Variants in HSPA4 observed in about 807,000 individuals in gnomAD.
HSPA4 encodes heat shock 70 kDa protein 4.
In HSPA4, 25 loss-of-function variants were observed where a neutral mutation model predicts 106.2. The ratio of observed to expected loss-of-function variants is 0.24; its 90% CI spans 0.17 to 0.33. The LOEUF (loss-of-function observed/expected upper bound fraction) is 0.33. HSPA4 is among the 10% of genes least tolerant of loss of function. The pLI, the probability that HSPA4 is intolerant of heterozygous loss-of-function variation, is 1.00. For synonymous variants in HSPA4, 332 were observed against 333.6 expected, an observed-to-expected ratio of 1.00 and a Z score of 0.05; for missense variants, 841 against 996.0, an observed-to-expected ratio of 0.84 and a Z score of 2.10.
At chr5:133,062,892 CTTAAGT>C (rs1359857770) in intron 1 of HSPA4, among the ~76,000 whole-genome samples, 1 of 152,082 alleles carries the variant, frequency 6.6e-6, no homozygotes, top group African/African-American at 2.4e-5. Context: ...CCACAGGGCT[CTTAAGT>C]TTATGTTTCT....
chr5:133,088,044 C>T (rs1244757036), intron 8 of HSPA4, among the ~76,000 whole-genome samples: 1 of 151,784 alleles, frequency 6.6e-6, no homozygotes, highest in African/African-American at 2.4e-5. Flanking sequence ...GGTTTGAGGC[C>T]CTCTTATTTT....
At chr5:133,062,306 A>T (rs544956594) in intron 1 of HSPA4, among the ~76,000 whole-genome samples, 25 of 152,268 alleles carry the variant, frequency 1.6e-4, no homozygotes, top group African/African-American at 5.8e-4. Flanking sequence ...TTTTGAGGAG[A>T]TAAAGGTTTG....
rs1205635824 is a variant in HSPA4 at position 133,099,536 on chromosome 5, T to C, written c.1930-9T>C. ...ATTGACCTAATTATAATATTTTCTT[T>C]ATCATTAGGATCGTAACAGTTTTAC... On this transcript the variant is annotated splice_polypyrimidine_tract_variant and intron_variant, in intron 15 of 18. Coordinates refer to ENST00000304858, the MANE Select transcript of HSPA4 (RefSeq NM_002154.4). 2 of 1,433,508 alleles carry C rather than the reference T, an allele frequency of 1.4e-6. No homozygotes were observed. Among genetic ancestry groups the C allele is most frequent in the Non-Finnish European group, 2.0e-6 (2 of 1,018,920 alleles). The allele number at this position is 1,433,508 out of a possible 1,614,324, so 88.8% of individuals were successfully genotyped here.
At chr5:133,102,777 C>T (rs1156646044) in intron 17 of HSPA4, among the ~76,000 whole-genome samples, 3 of 152,124 alleles carry the variant, frequency 2.0e-5, no homozygotes, top group South Asian at 2.1e-4. Flanking sequence ...CACTTTGTCA[C>T]CCAGGCTGGG....
At chr5:133,086,547 T>C (rs1293954184) in intron 7 of HSPA4, among the ~76,000 whole-genome samples, 1 of 152,248 alleles carries the variant, frequency 6.6e-6, no homozygotes, top group African/African-American at 2.4e-5. Context: ...ATACCTAGAA[T>C]GGAATTGCTG....
chr5:133,060,105 A>C (rs1765220697), intron 1 of HSPA4, among the ~76,000 whole-genome samples: 1 of 148,574 alleles, frequency 6.7e-6, no homozygotes, highest in Non-Finnish European at 1.5e-5. Flanking sequence ...TATTAGGATT[A>C]CATAGGAGTA....
At chr5:133,057,260 A>C (rs1446293728) in intron 1 of HSPA4, among the ~76,000 whole-genome samples, 2 of 152,180 alleles carry the variant, frequency 1.3e-5, no homozygotes, top group South Asian at 4.1e-4. Context: ...GTGATAGTCT[A>C]ATTATTGCGG....
At position 133,089,069 on chromosome 5, in the gene HSPA4, G is replaced by T. The variant is rs764891442; in HGVS notation, c.1152G>T (p.Ser384=). 1.9e-6 allele frequency: 3 copies of T among 1,591,824 alleles called. No homozygotes were observed. The highest frequency in any genetic ancestry group is 2.3e-5 in the South Asian group (2 of 87,628). Residue 384 remains serine, a synonymous_variant, in exon 10 of 19, where the codon TCG becomes TCT. Coordinates refer to ENST00000304858, the MANE Select transcript of HSPA4 (RefSeq NM_002154.4). ...RGCALQCAIL[S]PAFKVREFSI... Reference sequence around the variant, plus strand: ...TATTATTCTAGTGTGCCATCTTATCGCCTGCTTTCAAAGTCAGAGAATTTT... The same window carrying T: ...TATTATTCTAGTGTGCCATCTTATCTCCTGCTTTCAAAGTCAGAGAATTTT...
chr5:133,085,708 A>G (rs1001861372), intron 7 of HSPA4, among the ~76,000 whole-genome samples: 6 of 151,832 alleles, frequency 4.0e-5, no homozygotes, highest in African/African-American at 1.2e-4. Flanking sequence ...TATGCAGACA[A>G]TAAAACAGTC....
At chr5:133,102,083 C>T (rs376645418) in intron 17 of HSPA4, among the ~76,000 whole-genome samples, 55 of 152,076 alleles carry the variant, frequency 3.6e-4, no homozygotes, top group African/African-American at 1.2e-3. Flanking sequence ...TGCACCACCA[C>T]GCCCAGCTTA....
In HSPA4 at chr5:133,104,568, AAATAGGT is replaced by A; in HGVS notation, c.*136_*142del. On this transcript the variant is annotated 3_prime_UTR_variant, in exon 19 of 19. Coordinates refer to ENST00000304858, the MANE Select transcript of HSPA4 (RefSeq NM_002154.4). Reference sequence around the variant, plus strand: ...TTTTTAGGGGATTTTCGGGGAGGGGAAATAGGTAATGTATGGAGCATTTTCACTTCTA... The same window carrying A: ...TTTTTAGGGGATTTTCGGGGAGGGGAAATGTATGGAGCATTTTCACTTCTA... The A allele has an allele frequency of 1.4e-6, 1 of 736,446 alleles. No individual in the cohort carries two copies. Among genetic ancestry groups the A allele is most frequent in the South Asian group, 1.9e-5 (1 of 53,966 alleles). 45.6% of individuals were successfully genotyped at this position (736,446 alleles called of 1,614,324 possible).
intron 1 of HSPA4, among the ~76,000 whole-genome samples, chr5:133,059,123 G>A (rs1189451343): frequency 6.7e-6 from 1 of 149,346 alleles, no homozygotes; most frequent in South Asian, 2.1e-4. Flanking sequence ...GTGAGACTCC[G>A]TCTCAAAAAT....
chr5:133,053,288 G>A (rs1026449934), intron 1 of HSPA4, among the ~76,000 whole-genome samples: 1 of 144,910 alleles, frequency 6.9e-6, no homozygotes, highest in Admixed American at 6.8e-5. Context: ...ACAAAATCTT[G>A]TAAGAAGTTC....
chr5:133,085,384 G>A (rs930330406), intron 7 of HSPA4, among the ~76,000 whole-genome samples: 2 of 151,286 alleles, frequency 1.3e-5, no homozygotes, highest in African/African-American at 4.9e-5. Context: ...CGGGTGCGAT[G>A]GCTCATGCCT....
chr5:133,067,357 T>C, intron 2 of HSPA4, 60 bp from the exon 3 acceptor site: 1 of 1,365,592 alleles, frequency 7.3e-7, no homozygotes, highest in Non-Finnish European at 1.0e-6. Context: ...AATCTGAGGC[T>C]GTTGAAATAA....
At chr5:133,084,933 G>T (rs893261689) in intron 7 of HSPA4, among the ~76,000 whole-genome samples, 3 of 151,822 alleles carry the variant, frequency 2.0e-5, no homozygotes, top group African/African-American at 7.3e-5. Flanking sequence ...TCAGCTTCCT[G>T]GGTAGCTGAG....
intron 2 of HSPA4, among the ~76,000 whole-genome samples, chr5:133,066,743 T>TTTTCTTTTC (rs1561577508): frequency 2.7e-5 from 4 of 148,422 alleles, no homozygotes; most frequent in Non-Finnish European, 4.5e-5. Context: ...TTTCTTTTTT[T>TTTTCTTTTC]TTTTTTTTTT....
chr5:133,096,482 T>G (rs1409594201), intron 14 of HSPA4, among the ~76,000 whole-genome samples: 1 of 152,212 alleles, frequency 6.6e-6, no homozygotes, highest in Non-Finnish European at 1.5e-5. Context: ...GTTATGAAAA[T>G]TTTGACATAT....
chr5:133,058,999 G>T (rs1765202314), intron 1 of HSPA4, among the ~76,000 whole-genome samples: 1 of 151,022 alleles, frequency 6.6e-6, no homozygotes, highest in South Asian at 2.1e-4. Context: ...GTGGTGGCAC[G>T]CGCCTGTAAT....
Sources: gnomAD v4.1 joint callset for allele counts (sites outside exome capture counted in the v4.1 genomes callset) on GRCh38, gnomAD v4.1.1 for gene constraint, MANE v1.5 for transcripts, NCBI Gene and HGNC (gene_info 2026-07-23, HGNC 2026-07-21) for gene names.